FBXL4: variants seen among roughly 807,000 people sequenced by gnomAD.
The protein encoded by FBXL4 is F-box and leucine rich repeat protein 4.
FBXL4 carries 40 observed loss-of-function variants against 58.9 expected under a neutral mutation model. The ratio of observed to expected loss-of-function variants is 0.68; its 90% CI spans 0.53 to 0.88. The LOEUF (loss-of-function observed/expected upper bound fraction) is 0.88. Ranked by LOEUF, FBXL4 falls within the 40% of genes least tolerant of loss-of-function variation. The pLI is 0.00. For synonymous variants in FBXL4, 263 were observed against 265.5 expected (o/e 0.99, Z 0.09); for missense variants, 676 against 734.4 (o/e 0.92, Z 0.92).
intron 6 of FBXL4, among the ~76,000 whole-genome samples, chr6:98,903,180 A>C (rs1338228908): frequency 6.6e-6 from 1 of 152,116 alleles, no homozygotes; most frequent in Non-Finnish European, 1.5e-5. Context: ...ACTGAGCATA[A>C]ATAGACCATA....
At chr6:98,886,268 C>T (rs2128382428) in intron 7 of FBXL4, among the ~76,000 whole-genome samples, 1 of 152,104 alleles carries the variant, frequency 6.6e-6, no homozygotes, top group East Asian at 1.9e-4. Flanking sequence ...GTAGGACTGC[C>T]TTGCCTTAGG....
intron 5 of FBXL4, among the ~76,000 whole-genome samples, chr6:98,914,155 G>A (rs1441402540): frequency 2.0e-5 from 3 of 152,158 alleles, no homozygotes; most frequent in Non-Finnish European, 4.4e-5. Flanking sequence ...AACAGGATCT[G>A]AAATTGTGGC....
chr6:98,930,697 G>C (rs1259779069), intron 2 of FBXL4, among the ~76,000 whole-genome samples: 1 of 152,178 alleles, frequency 6.6e-6, no homozygotes, highest in Non-Finnish European at 1.5e-5. Flanking sequence ...AGTGAGTCAT[G>C]ATCGTGTCAC....
intron 5 of FBXL4, among the ~76,000 whole-genome samples, chr6:98,908,332 GAT>G: frequency 6.6e-6 from 1 of 152,214 alleles, no homozygotes; most frequent in East Asian, 1.9e-4. Context: ...CTCATTTAAT[GAT>G]ATATCTTATA....
Position 98,917,674 on chromosome 6 carries a change from G to A in FBXL4, c.558C>T (p.Ser186=). The A allele has an allele frequency of 6.2e-7, 1 of 1,612,954 alleles. No individual in the cohort carries two copies. Among genetic ancestry groups the A allele is most frequent in the Non-Finnish European group, 8.5e-7 (1 of 1,179,446 alleles). The change falls in exon 5 of 10, where the codon TCC becomes TCT. Residue 186 remains serine (S), a synonymous_variant. Coordinates refer to ENST00000369244, the MANE Select transcript of FBXL4 (RefSeq NM_001278716.2). ...TACAAGGTTTAAACTGGCGAGCTTG[G>A]GAAGCATTCACCTTCGTAGGTCTCT... ...WSERPTKVNA[S]QARQFKPCIK...
At chr6:98,881,550 A>G (rs1288429811) in intron 7 of FBXL4, among the ~76,000 whole-genome samples, 3 of 152,128 alleles carry the variant, frequency 2.0e-5, no homozygotes, top group African/African-American at 7.2e-5. Flanking sequence ...GTTGAGGGAA[A>G]GGTGAAGAAT....
chr6:98,927,028 T>A lies in FBXL4; in HGVS notation c.-40A>T. 6.3e-7 allele frequency: 1 copy of A among 1,585,776 alleles called. No individual in the cohort carries two copies. The highest frequency in any genetic ancestry group is 8.6e-7 in the Non-Finnish European group (1 of 1,163,446). On this transcript the variant is annotated 5_prime_UTR_variant, in exon 4 of 10. An upstream open reading frame in the 5' UTR loses its in-frame stop. Transcript: ENST00000369244. ...TGAAGCTTCAAAAGGTCAGGTGTCCTCAGTAAGATGCATGAACTCTTTGAA... is the reference window on the plus strand; with the variant it reads ...TGAAGCTTCAAAAGGTCAGGTGTCCACAGTAAGATGCATGAACTCTTTGAA...
chr6:98,888,664 TAGC>T (rs573605475), intron 7 of FBXL4, among the ~76,000 whole-genome samples: 2 of 152,324 alleles, frequency 1.3e-5, no homozygotes, highest in African/African-American at 4.8e-5. Context: ...ATAATTAAAA[TAGC>T]AGCTTTAATA....
intron 7 of FBXL4, among the ~76,000 whole-genome samples, chr6:98,882,934 G>A (rs1770905165): frequency 6.6e-6 from 1 of 151,934 alleles, no homozygotes; most frequent in South Asian, 2.1e-4. Flanking sequence ...TGCATTTATA[G>A]AAGAGTATTT....
Position 98,935,258 on chromosome 6 carries a change from CTT to C in FBXL4, c.-308-381_-308-380del, listed in dbSNP as rs11336857. On this transcript the variant is annotated intron_variant, in intron 1 of 9. Transcript: ENST00000369244. The stretch of plus-strand genomic sequence containing the variant: ...AAGCAGAAAAAGGAACTGAAGGAAT[CTT>C]TTTTTTTTTTTTAAGTAGAGCTATA... Among the ~76,000 whole-genome samples the C allele has an allele frequency of 7.4e-3, 1,022 of 137,674 alleles. 12 individuals are homozygous for C. Among genetic ancestry groups the C allele is most frequent in the African/African-American group, 0.025 (926 of 37,476 alleles). The allele number at this position is 137,674 out of a possible 152,430, so 90.3% of individuals were successfully genotyped here.
At position 98,917,516 on chromosome 6, in the gene FBXL4, G is replaced by A; in HGVS notation, c.716C>T (p.Ser239Leu). 3 of 1,614,036 alleles carry A rather than the reference G, an allele frequency of 1.9e-6. No homozygotes were observed. Among genetic ancestry groups the A allele is most frequent in the Non-Finnish European group, 2.5e-6 (3 of 1,179,928 alleles). The change falls in exon 5 of 10, where the codon TCA (serine) becomes TTA (leucine). Residue 239 changes from serine to leucine, a missense_variant. By Grantham distance (145) the Ser-to-Leu change is moderately radical. Transcript: ENST00000369244. ...TTCTATATCATTCATGTCAATAAGT[G>A]AAGTCTTGAGAGAAAGCACTGGCTT... ...KDKPVLSLKT[S>L]LIDMNDIEDD...
At position 98,908,804 on chromosome 6, in the gene FBXL4, G is replaced by A. The variant is rs1309067086; in HGVS notation, c.859-3134C>T. 2.0e-5 allele frequency among the ~76,000 whole-genome samples: 3 copies of A among 151,634 alleles called. No homozygotes were observed. In the East Asian group the frequency reaches 5.8e-4, roughly 30 times the overall value. ...ACATTTCCCACTATCCTCTTGACCT[G>A]TTCCTGGACTCTATTCTGTTCCATT... is the stretch of plus-strand genomic sequence containing the variant. On this transcript the variant is annotated intron_variant, in intron 5 of 9. Coordinates refer to ENST00000369244, the MANE Select transcript of FBXL4 (RefSeq NM_001278716.2).
chr6:98,937,538 C>T (rs1271175343), intron 1 of FBXL4, among the ~76,000 whole-genome samples: 1 of 152,086 alleles, frequency 6.6e-6, no homozygotes, highest in African/African-American at 2.4e-5. Flanking sequence ...GGTCTTCGAT[C>T]TGATCTTCAT....
intron 1 of FBXL4, among the ~76,000 whole-genome samples, chr6:98,946,896 C>T (rs944576859): frequency 2.0e-5 from 3 of 152,110 alleles, no homozygotes; most frequent in African/African-American, 7.2e-5. Flanking sequence ...ATATGCGGTA[C>T]AGGATAATGG....
chr6:98,907,507 T>A (rs149696474), intron 5 of FBXL4, among the ~76,000 whole-genome samples: 1 of 152,190 alleles, frequency 6.6e-6, no homozygotes, highest in Non-Finnish European at 1.5e-5. Context: ...GAGATTGTTA[T>A]CTCTAATTAA....
chr6:98,943,605 A>ACAAACTTC (rs1201048145), intron 1 of FBXL4, among the ~76,000 whole-genome samples: 4 of 149,734 alleles, frequency 2.7e-5, no homozygotes, highest in South Asian at 2.1e-4. Flanking sequence ...AAAAAAGAAG[A>ACAAACTTC]CAAACTTCCA....
chr6:98,946,291 G>A (rs1027077053), intron 1 of FBXL4, among the ~76,000 whole-genome samples: 5 of 152,126 alleles, frequency 3.3e-5, no homozygotes, highest in African/African-American at 1.2e-4. Context: ...TGATGATGGA[G>A]TCACTAACAA....
At chr6:98,893,209 A>C (rs1771288741) in intron 7 of FBXL4, among the ~76,000 whole-genome samples, 1 of 152,200 alleles carries the variant, frequency 6.6e-6, no homozygotes, top group Non-Finnish European at 1.5e-5. Flanking sequence ...TATGTTAAAA[A>C]ACTTTTCTTA....
intron 2 of FBXL4, among the ~76,000 whole-genome samples, chr6:98,933,066 A>T (rs969448065): frequency 1.3e-5 from 2 of 152,228 alleles, no homozygotes; most frequent in Non-Finnish European, 2.9e-5. Flanking sequence ...TACTATTCTG[A>T]GGAAGGACTT....
Sources: gnomAD v4.1 joint callset for allele counts (sites outside exome capture counted in the v4.1 genomes callset) on GRCh38, gnomAD v4.1.1 for gene constraint, MANE v1.5 for transcripts, NCBI Gene and HGNC (gene_info 2026-07-23, HGNC 2026-07-21) for gene names.